The following CHKA variants were observed in gnomAD, a reference collection of about 807,000 sequenced individuals.
CHKA encodes CHETK-alpha.
Under a neutral mutation model 60.1 loss-of-function variants are expected in CHKA, and 34 were observed. That is an observed-to-expected ratio of 0.57 (90% CI 0.43 to 0.75). The LOEUF is 0.75. Among genes scored for constraint, CHKA ranks in the 30% least tolerant of loss-of-function variants. The probability of loss-of-function intolerance (pLI) is 0.00; values close to 1 mark genes in which losing one functional copy is unlikely to be tolerated. For missense variants in CHKA, 563 were observed against 561.3 expected, an observed-to-expected ratio of 1.00 and a Z score of -0.03; for synonymous variants, 217 against 223.1, an observed-to-expected ratio of 0.97 and a Z score of 0.24.
intron 10 of CHKA, among the ~76,000 whole-genome samples, chr11:68,063,558 G>C (rs1856328938): frequency 6.6e-6 from 1 of 151,948 alleles, no homozygotes; most frequent in Non-Finnish European, 1.5e-5. Flanking sequence ...TGTTGTGTCT[G>C]GATGACAGTT....
At chr11:68,068,496 T>C (rs1404177766) in intron 7 of CHKA, among the ~76,000 whole-genome samples, 1 of 151,970 alleles carries the variant, frequency 6.6e-6, no homozygotes, top group African/African-American at 2.4e-5. Flanking sequence ...CAGCATACTA[T>C]AGCCTTGAAC....
At chr11:68,059,453 G>A (rs552462127) in intron 11 of CHKA, among the ~76,000 whole-genome samples, 42 of 152,082 alleles carry the variant, frequency 2.8e-4, no homozygotes, top group Non-Finnish European at 5.1e-4. Context: ...ACATATGTTA[G>A]TGGATTTAAT....
chr11:68,084,040 C>G (rs573652013), intron 2 of CHKA, among the ~76,000 whole-genome samples: 1 of 151,606 alleles, frequency 6.6e-6, no homozygotes, highest in African/African-American at 2.4e-5. Context: ...AGGTCAGGAG[C>G]TTGAGATCAG....
At chr11:68,065,678 G>C (rs1472923992) in intron 9 of CHKA, 108 bp downstream of exon 9, 2 of 765,408 alleles carry the variant, frequency 2.6e-6, no homozygotes, top group South Asian at 1.6e-5. Flanking sequence ...TCCAGCCTGG[G>C]AAACAGAGTG....
At chr11:68,101,453 T>C (rs959157107) in intron 1 of CHKA, among the ~76,000 whole-genome samples, 9 of 151,952 alleles carry the variant, frequency 5.9e-5, no homozygotes, top group African/African-American at 1.7e-4. Context: ...AACTAATAAG[T>C]TCAGTAAGAT....
intron 11 of CHKA, among the ~76,000 whole-genome samples, chr11:68,059,588 A>T (rs1744851522): frequency 6.6e-6 from 1 of 152,188 alleles, no homozygotes; most frequent in South Asian, 2.1e-4. Flanking sequence ...CTGACATGCT[A>T]TGTTTTCATT....
Position 68,074,726 on chromosome 11 carries a change from C to T in CHKA, c.621G>A (p.Gln207=). Residue 207 remains glutamine, a synonymous_variant, in exon 4 of 12, where the codon CAG becomes CAA. Transcript: ENST00000265689. ...TATGAACAAATCTTACCGGGATGAA[C>T]TGCTCCAGTCGGCCTTGGGGAAAGA... ...YGIFPQGRLE[Q]FIPSRRLDTE... 1 of 1,614,066 alleles carries T rather than the reference C, an allele frequency of 6.2e-7. No individual in the cohort carries two copies. The highest frequency in any genetic ancestry group is 2.2e-5 in the East Asian group (1 of 44,888).
Position 68,074,843 on chromosome 11 carries a change from G to C in CHKA, c.517-13C>G. On this transcript the variant is annotated splice_polypyrimidine_tract_variant and intron_variant, in intron 3 of 11. Coordinates refer to ENST00000265689, the MANE Select transcript of CHKA (RefSeq NM_001277.3). ...TGGCCTCAGCCCCCTAAAACAGATG[G>C]CAACAAATCAGGTGTTTACTGAGTG... 1 of 1,613,122 alleles carries C rather than the reference G, an allele frequency of 6.2e-7. No individual in the cohort carries two copies.
intron 1 of CHKA, among the ~76,000 whole-genome samples, chr11:68,097,431 T>C (rs184666207): frequency 6.6e-6 from 1 of 152,124 alleles, no homozygotes; most frequent in East Asian, 1.9e-4. Flanking sequence ...TCAAGGAATC[T>C]AGACCATCCT....
intron 1 of CHKA, among the ~76,000 whole-genome samples, chr11:68,105,395 G>C (rs1857874308): frequency 6.7e-6 from 1 of 148,198 alleles, no homozygotes; most frequent in Non-Finnish European, 1.5e-5. Flanking sequence ...GACACCTATA[G>C]TCCCAACTAC....
chr11:68,070,584 C>T (rs1856583817), intron 5 of CHKA, 140 bp downstream of exon 5: 1 of 880,388 alleles, frequency 1.1e-6, no homozygotes, highest in African/African-American at 1.7e-5. Context: ...ACTTATGAGA[C>T]AAGTATCACC....
intron 4 of CHKA, 38 bp downstream of exon 4, chr11:68,074,679 T>C: frequency 6.4e-7 from 1 of 1,570,528 alleles, no homozygotes; most frequent in Non-Finnish European, 8.8e-7. Flanking sequence ...CTTCTGTCTG[T>C]GGCATATGTC....
At chr11:68,054,511 G>C (rs893378737) in intron 11 of CHKA, among the ~76,000 whole-genome samples, 1 of 152,190 alleles carries the variant, frequency 6.6e-6, no homozygotes, top group Non-Finnish European at 1.5e-5. Flanking sequence ...TGACTTTTAA[G>C]AAGGACACTG....
intron 3 of CHKA, among the ~76,000 whole-genome samples, chr11:68,076,583 G>A (rs1430726679): frequency 6.6e-6 from 1 of 152,166 alleles, no homozygotes; most frequent in Non-Finnish European, 1.5e-5. Flanking sequence ...CCACCCTCAT[G>A]CTGTGTAAAA....
rs545618174 is a variant in CHKA at position 68,108,086 on chromosome 11, G to A, written c.351-10956C>T. 4.6e-5 allele frequency among the ~76,000 whole-genome samples: 7 copies of A among 152,308 alleles called. No individual in the cohort carries two copies. The South Asian group carries it at 1.4e-3, about 32-fold the overall frequency. On this transcript the variant is annotated intron_variant, in intron 1 of 11. Transcript: ENST00000265689. Reference sequence around the variant, plus strand: ...CTCCACTGGAGGGGAAAACAGGAAGGAGAACGTGGGCATCACTGAAAGCAA... The same window carrying A: ...CTCCACTGGAGGGGAAAACAGGAAGAAGAACGTGGGCATCACTGAAAGCAA...
intron 1 of CHKA, among the ~76,000 whole-genome samples, chr11:68,108,626 C>A (rs1290990219): frequency 6.6e-6 from 1 of 152,122 alleles, no homozygotes; most frequent in South Asian, 2.1e-4. Context: ...CGCCTGTAGT[C>A]CCAGCCACTT....
intron 9 of CHKA, 140 bp from the exon 10 acceptor site, chr11:68,064,771 G>T (rs1009282331): frequency 6.7e-6 from 4 of 597,468 alleles, no homozygotes; most frequent in Non-Finnish European, 1.2e-5. Context: ...GACATCCTGG[G>T]GCTGGCACCA....
intron 1 of CHKA, 68 bp downstream of exon 1, chr11:68,120,760 G>T: frequency 4.9e-6 from 1 of 206,036 alleles, no homozygotes; most frequent in Non-Finnish European, 6.7e-6. Flanking sequence ...CCCCCTGCCC[G>T]GACCCCGCCC....
At chr11:68,112,974 C>T (rs1399314228) in intron 1 of CHKA, among the ~76,000 whole-genome samples, 2 of 147,080 alleles carry the variant, frequency 1.4e-5, no homozygotes, top group East Asian at 2.1e-4. Context: ...CCCAGCTACT[C>T]GGGAGGCTGA....
Sources: allele counts gnomAD v4.1 joint callset (sites outside exome capture counted in the v4.1 genomes callset), GRCh38; gene constraint gnomAD v4.1.1; transcripts MANE v1.5; gene names NCBI Gene and HGNC (gene_info 2026-07-23, HGNC 2026-07-21).